Variants in MEGF11 observed in about 807,000 individuals in gnomAD.
MEGF11 encodes multiple epidermal growth factor-like domains protein 11.
MEGF11 carries 126 observed loss-of-function variants against 146.6 expected under a neutral mutation model. That is an observed-to-expected ratio of 0.86 (90% CI 0.74 to 1.00). The LOEUF is 1.00. MEGF11 is among the 50% of genes least tolerant of loss of function. The pLI is 0.00. For missense variants in MEGF11, 1,509 were observed against 1,521.2 expected (o/e 0.99, Z 0.13); for synonymous variants, 532 against 583.4 (o/e 0.91, Z 1.27).
intron 1 of MEGF11, among the ~76,000 whole-genome samples, chr15:66,171,629 T>C (rs193290306): frequency 6.6e-6 from 1 of 152,056 alleles, no homozygotes; most frequent in Non-Finnish European, 1.5e-5. Context: ...TGTCTCTTTT[T>C]CTAAAACCAC....
chr15:66,092,720 A>G (rs548790460), intron 5 of MEGF11, among the ~76,000 whole-genome samples: 2 of 152,212 alleles, frequency 1.3e-5, no homozygotes, highest in Admixed American at 1.3e-4. Context: ...AGTCCCGAGC[A>G]TAGAGCGAGC....
At position 65,997,187 on chromosome 15, in the gene MEGF11, A is replaced by T. The variant is rs544157998; in HGVS notation, c.395-14699T>A. On this transcript the variant is annotated intron_variant, in intron 5 of 25. Transcript: ENST00000395614. The stretch of plus-strand genomic sequence containing the variant: ...GACCCCTGGTTTCCCTGGAGAGAGG[A>T]GGCCTGAGAGTGAGTGACAAATGGT... Among the ~76,000 whole-genome samples the T allele has an allele frequency of 1.6e-4, 25 of 152,320 alleles. 1 individual carries two copies. The South Asian group carries it at 3.5e-3, about 21-fold the overall frequency.
At chr15:66,033,919 T>C (rs2083628401) in intron 5 of MEGF11, among the ~76,000 whole-genome samples, 1 of 152,188 alleles carries the variant, frequency 6.6e-6, no homozygotes, top group Non-Finnish European at 1.5e-5. Context: ...GCCTCCCCAG[T>C]AGCTGGGATT....
chr15:66,207,642 G>T (rs965218072), intron 1 of MEGF11, among the ~76,000 whole-genome samples: 2 of 152,136 alleles, frequency 1.3e-5, no homozygotes. Flanking sequence ...AACTACATAG[G>T]TAATTATAAA....
chr15:66,002,631 A>G (rs2082400742), intron 5 of MEGF11, among the ~76,000 whole-genome samples: 1 of 152,244 alleles, frequency 6.6e-6, no homozygotes, highest in South Asian at 2.1e-4. Context: ...GCAAATGATA[A>G]TAGCATTGAC....
chr15:66,044,981 T>C (rs948111497), intron 5 of MEGF11, among the ~76,000 whole-genome samples: 1 of 152,016 alleles, frequency 6.6e-6, no homozygotes, highest in Non-Finnish European at 1.5e-5. Flanking sequence ...AGCAGTGCCC[T>C]GCAGCAGGAC....
intron 1 of MEGF11, among the ~76,000 whole-genome samples, chr15:66,250,027 C>T (rs1281504787): frequency 2.0e-5 from 3 of 152,218 alleles, no homozygotes; most frequent in Non-Finnish European, 4.4e-5. Context: ...ATTTACTCAT[C>T]TGTACAATGG....
rs112422858 is a variant in MEGF11 at position 66,006,325 on chromosome 15, T to G, written c.395-23837A>C. Among the ~76,000 whole-genome samples, 653 of 152,244 alleles carry G rather than the reference T, an allele frequency of 4.3e-3. 5 individuals carry two copies. Among genetic ancestry groups the G allele is most frequent in the African/African-American group, 0.015 (618 of 41,528 alleles). ...GTTTTATGCACCTAGGCACCAGGCT[T>G]CTCCCTGAGTTCCCTGAGCCTGCAG... On this transcript the variant is annotated intron_variant, in intron 5 of 25. Coordinates refer to ENST00000395614, the MANE Select transcript of MEGF11 (RefSeq NM_001385028.1).
intron 4 of MEGF11, among the ~76,000 whole-genome samples, chr15:66,099,196 TC>T (rs2086676812): frequency 1.5e-5 from 1 of 66,334 alleles, no homozygotes; most frequent in African/African-American, 6.0e-5. Flanking sequence ...CTCCCACCCC[TC>T]CTTTTTCTTT....
At chr15:66,083,937 A>T (rs1481644138) in intron 5 of MEGF11, among the ~76,000 whole-genome samples, 2 of 152,236 alleles carry the variant, frequency 1.3e-5, no homozygotes, top group Non-Finnish European at 2.9e-5. Flanking sequence ...AATAATTTTT[A>T]AAAATGACAC....
At position 65,897,656 on chromosome 15, in the gene MEGF11, T is replaced by A; in HGVS notation, c.*278A>T. 4.1e-6 allele frequency: 1 copy of A among 241,510 alleles called. No individual in the cohort carries two copies. The highest frequency in any genetic ancestry group is 7.9e-6 in the Non-Finnish European group (1 of 127,010). The allele number at this position is 241,510 out of a possible 1,614,324, so 15.0% of individuals were successfully genotyped here. ...TATATATATATATATCAGCTATATT[T>A]AGCTGATGTTGATGAGTAGCTGTAT... On this transcript the variant is annotated 3_prime_UTR_variant, in exon 26 of 26. Transcript: ENST00000395614.
intron 5 of MEGF11, among the ~76,000 whole-genome samples, chr15:66,034,254 A>G (rs549704398): frequency 6.6e-6 from 1 of 152,272 alleles, no homozygotes; most frequent in South Asian, 2.1e-4. Flanking sequence ...CTTGAGTCTC[A>G]CCCATATCTG....
chr15:66,164,346 A>C (rs991122641), intron 1 of MEGF11, among the ~76,000 whole-genome samples: 1 of 152,102 alleles, frequency 6.6e-6, no homozygotes, highest in Admixed American at 6.5e-5. Flanking sequence ...GCAGTACACA[A>C]CCTGGATCGC....
intron 5 of MEGF11, among the ~76,000 whole-genome samples, chr15:66,048,837 T>C (rs544317967): frequency 6.6e-6 from 1 of 152,292 alleles, no homozygotes; most frequent in South Asian, 2.1e-4. Context: ...TGTAGAAATT[T>C]CTGGGGCCCT....
At position 65,906,137 on chromosome 15, in the gene MEGF11, A is replaced by G; in HGVS notation, c.3003T>C (p.Ala1001=). 3.1e-6 allele frequency: 5 copies of G among 1,608,966 alleles called. No homozygotes were observed. The highest frequency in any genetic ancestry group is 4.2e-6 in the Non-Finnish European group (5 of 1,177,382). The change falls in exon 24 of 26, where the codon GCT becomes GCC. Residue 1001 remains alanine (A), a synonymous_variant. Coordinates refer to ENST00000395614, the MANE Select transcript of MEGF11 (RefSeq NM_001385028.1). Reference sequence around the variant, plus strand: ...TGTTCTGACGTCTATCCATTCCACAAGCACCTGTGTAAAAATAACATGTAA... The same window carrying G: ...TGTTCTGACGTCTATCCATTCCACAGGCACCTGTGTAAAAATAACATGTAA... ...SRPAEPHSPG[A]CGMDRRQNTY...
chr15:65,946,550 G>T (rs950996226), intron 10 of MEGF11, among the ~76,000 whole-genome samples: 1 of 152,136 alleles, frequency 6.6e-6, no homozygotes, highest in African/African-American at 2.4e-5. Flanking sequence ...CCACCACCAT[G>T]CCCGGCTAAT....
rs372793322 is a variant in MEGF11 at position 65,898,036 on chromosome 15, A to G, written c.3321T>C (p.Asn1107=). ...GCGHNSSYIQ[N]AYDLPRNSHI... is the part of the protein sequence containing the mutation. ...GGCTGTTCCTAGGTAGGTCGTATGCATTCTGGATATAGCTGGAGTTATGAC... is the reference window on the plus strand; with the variant it reads ...GGCTGTTCCTAGGTAGGTCGTATGCGTTCTGGATATAGCTGGAGTTATGAC... Residue 1107 remains asparagine, a synonymous_variant, in exon 26 of 26, where the codon AAT becomes AAC. Transcript: ENST00000395614. 9 of 1,613,858 alleles carry G rather than the reference A, an allele frequency of 5.6e-6. No homozygotes were observed. In the African/African-American group the frequency reaches 9.3e-5, roughly 17 times the overall value.
At chr15:66,007,482 G>T (rs1211769600) in intron 5 of MEGF11, among the ~76,000 whole-genome samples, 1 of 152,208 alleles carries the variant, frequency 6.6e-6, no homozygotes, top group Non-Finnish European at 1.5e-5. Flanking sequence ...GGGTGTGGTG[G>T]CTCACGCCTG....
At chr15:66,006,682 T>A (rs1461347158) in intron 5 of MEGF11, among the ~76,000 whole-genome samples, 1 of 152,218 alleles carries the variant, frequency 6.6e-6, no homozygotes, top group African/African-American at 2.4e-5. Flanking sequence ...TTTGTTCCAG[T>A]CTATATCCCA....
Sources: allele counts gnomAD v4.1 joint callset (sites outside exome capture counted in the v4.1 genomes callset), GRCh38; gene constraint gnomAD v4.1.1; transcripts MANE v1.5; gene names NCBI Gene and HGNC (gene_info 2026-07-23, HGNC 2026-07-21).